Variants in CDH13 observed in about 807,000 individuals in gnomAD.
The protein encoded by CDH13 is cadherin-13.
In CDH13, 24 loss-of-function variants were observed where a neutral mutation model predicts 63.8. The observed-to-expected ratio is 0.38, with a 90% CI of 0.27 to 0.53. The LOEUF is 0.53. Ranked by LOEUF, CDH13 falls within the 20% of genes least tolerant of loss-of-function variation. The probability of loss-of-function intolerance (pLI) is 0.85; values close to 1 mark genes in which losing one functional copy is unlikely to be tolerated. For synonymous variants in CDH13, 503 were observed against 355.3 expected, an observed-to-expected ratio of 1.42 and a Z score of -4.67; for missense variants, 1,049 against 903.1, an observed-to-expected ratio of 1.16 and a Z score of -2.07.
At position 83,800,061 on chromosome 16, in the gene CDH13, T is replaced by C. The variant is rs1046557707; in HGVS notation, c.*5031T>C. The C allele has an allele frequency of 5.9e-5, 9 of 152,174 alleles. No homozygotes were observed. The highest frequency in any genetic ancestry group is 9.7e-5 in the African/African-American group (4 of 41,444). 9.4% of individuals were successfully genotyped at this position (152,174 alleles called of 1,614,324 possible). ...TATGTTGCTATCATCACATCTATCG[T>C]TGGAGGGTTGCTGAGCTTGATACGC... On this transcript the variant is annotated 3_prime_UTR_variant, in exon 14 of 14. Coordinates refer to ENST00000567109, the MANE Select transcript of CDH13 (RefSeq NM_001257.5).
intron 2 of CDH13, among the ~76,000 whole-genome samples, chr16:82,907,899 C>A (rs1273633654): frequency 6.6e-6 from 1 of 152,090 alleles, no homozygotes; most frequent in Non-Finnish European, 1.5e-5. Flanking sequence ...TGGGCTGAGC[C>A]CTCCAAATTA....
At chr16:83,685,941 C>G (rs1405321593) in intron 10 of CDH13, among the ~76,000 whole-genome samples, 1 of 152,178 alleles carries the variant, frequency 6.6e-6, no homozygotes, top group African/African-American at 2.4e-5. Context: ...AATATGGCTA[C>G]TAGGATGATT....
chr16:83,619,602 T>A (rs1458398420), intron 8 of CDH13, among the ~76,000 whole-genome samples: 1 of 152,214 alleles, frequency 6.6e-6, no homozygotes, highest in African/African-American at 2.4e-5. Context: ...GCAACCTTTG[T>A]GCTCCTGGGC....
At chr16:82,892,693 TA>T (rs1254819199) in intron 2 of CDH13, among the ~76,000 whole-genome samples, 3 of 152,218 alleles carry the variant, frequency 2.0e-5, no homozygotes, top group African/African-American at 7.2e-5. Flanking sequence ...TAATTAAAAA[TA>T]ACTAGAGAAA....
chr16:82,837,482 A>G (rs546463060), intron 1 of CDH13, among the ~76,000 whole-genome samples: 1 of 152,222 alleles, frequency 6.6e-6, no homozygotes, highest in Admixed American at 6.5e-5. Context: ...AGTTTCCTTG[A>G]TCCCCAAGGA....
At chr16:82,964,034 G>A (rs955588103) in intron 2 of CDH13, among the ~76,000 whole-genome samples, 6 of 152,126 alleles carry the variant, frequency 3.9e-5, no homozygotes, top group African/African-American at 1.4e-4. Context: ...GAGACCTCCC[G>A]AGTCGCTTTG....
At chr16:83,395,246 G>A (rs1049447342) in intron 6 of CDH13, among the ~76,000 whole-genome samples, 16 of 151,454 alleles carry the variant, frequency 1.1e-4, no homozygotes, top group Non-Finnish European at 2.1e-4. Flanking sequence ...CCTAGGAGGC[G>A]GAGGTTGCAG....
intron 1 of CDH13, among the ~76,000 whole-genome samples, chr16:82,802,262 G>C (rs911235833): frequency 6.6e-6 from 1 of 152,056 alleles, no homozygotes; most frequent in African/African-American, 2.4e-5. Context: ...GAGATCGTGA[G>C]AATAGTGAGT....
chr16:82,651,659 G>T (rs1272489810), intron 1 of CDH13, among the ~76,000 whole-genome samples: 1 of 152,258 alleles, frequency 6.6e-6, no homozygotes, highest in African/African-American at 2.4e-5. Flanking sequence ...GGCTTAGAGA[G>T]GGTAGGTACG....
chr16:83,660,942 A>T (rs1458876839), intron 8 of CDH13, among the ~76,000 whole-genome samples: 1 of 152,092 alleles, frequency 6.6e-6, no homozygotes, highest in East Asian at 1.9e-4. Flanking sequence ...AAAAAAATGT[A>T]GGCATATTTG....
At chr16:82,850,923 A>G (rs1340655446) in intron 1 of CDH13, among the ~76,000 whole-genome samples, 1 of 152,242 alleles carries the variant, frequency 6.6e-6, no homozygotes, top group Non-Finnish European at 1.5e-5. Context: ...AGGCTACATT[A>G]TAGTATAAAC....
intron 1 of CDH13, among the ~76,000 whole-genome samples, chr16:82,800,877 T>C (rs2036821038): frequency 6.6e-6 from 1 of 152,224 alleles, no homozygotes; most frequent in Non-Finnish European, 1.5e-5. Context: ...ATTATTTTAA[T>C]TTAGCTTGTG....
At chr16:82,842,676 T>G (rs1273944912) in intron 1 of CDH13, among the ~76,000 whole-genome samples, 1 of 151,950 alleles carries the variant, frequency 6.6e-6, no homozygotes, top group Non-Finnish European at 1.5e-5. Context: ...TTGGGGATGA[T>G]TCAAGCACAT....
chr16:82,963,364 A>C (rs538085475), intron 2 of CDH13, among the ~76,000 whole-genome samples: 2 of 152,298 alleles, frequency 1.3e-5, no homozygotes, highest in African/African-American at 4.8e-5. Context: ...GGGCAACAAG[A>C]GTGAAACTCT....
intron 7 of CDH13, among the ~76,000 whole-genome samples, chr16:83,555,234 G>C (rs2075579577): frequency 2.0e-5 from 3 of 152,176 alleles, no homozygotes. Context: ...TTGTACAGTG[G>C]TAAACTCAAG....
intron 1 of CDH13, among the ~76,000 whole-genome samples, chr16:82,840,296 C>G (rs1171794765): frequency 6.6e-6 from 1 of 151,524 alleles, no homozygotes; most frequent in African/African-American, 2.4e-5. Flanking sequence ...TCTGAGGAGA[C>G]CAGCATGAAG....
At chr16:83,192,296 C>G (rs1039540739) in intron 4 of CDH13, among the ~76,000 whole-genome samples, 1 of 152,152 alleles carries the variant, frequency 6.6e-6, no homozygotes, top group African/African-American at 2.4e-5. Flanking sequence ...TACGTAGTGT[C>G]TGTTGTGTGT....
intron 4 of CDH13, among the ~76,000 whole-genome samples, chr16:83,203,411 G>A (rs1440658984): frequency 6.6e-6 from 1 of 151,988 alleles, no homozygotes; most frequent in Non-Finnish European, 1.5e-5. Flanking sequence ...ATAAGGCCAG[G>A]TGTGGTGGCT....
chr16:83,671,916 G>T (rs1490083755), intron 9 of CDH13, among the ~76,000 whole-genome samples: 1 of 152,248 alleles, frequency 6.6e-6, no homozygotes, highest in African/African-American at 2.4e-5. Flanking sequence ...CTGGGAGAAG[G>T]CATTTCTACA....
Sources: gnomAD v4.1 joint callset for allele counts (sites outside exome capture counted in the v4.1 genomes callset) on GRCh38, gnomAD v4.1.1 for gene constraint, MANE v1.5 for transcripts, NCBI Gene and HGNC (gene_info 2026-07-23, HGNC 2026-07-21) for gene names.